The following TUSC3 variants were observed in gnomAD, a reference collection of about 807,000 sequenced individuals.
TUSC3 encodes the protein dolichyl-diphosphooligosaccharide--protein glycosyltransferase subunit TUSC3.
In TUSC3, 45 loss-of-function variants were observed where a neutral mutation model predicts 44.8. The observed-to-expected ratio is 1.00, with a 90% CI of 0.79 to 1.29. The LOEUF (loss-of-function observed/expected upper bound fraction) is 1.29. Ranked by LOEUF, TUSC3 falls within the 50% of genes most tolerant of loss-of-function variation. TUSC3 has a pLI of 0.00. For missense variants in TUSC3, 519 were observed against 437.9 expected (o/e 1.19, Z -1.65); for synonymous variants, 212 against 152.9 (o/e 1.39, Z -2.85).
intron 9 of TUSC3, among the ~76,000 whole-genome samples, chr8:15,753,065 A>G (rs1431266986): frequency 6.6e-6 from 1 of 152,002 alleles, no homozygotes; most frequent in Non-Finnish European, 1.5e-5. Flanking sequence ...CTTATTCTTT[A>G]CTAATGAAAG....
At chr8:15,536,060 C>T (rs1263779996), upstream of TUSC3, among the ~76,000 whole-genome samples, 1 of 152,186 alleles carries the variant, frequency 6.6e-6, no homozygotes, top group Non-Finnish European at 1.5e-5. Flanking sequence ...TGGCCCACAA[C>T]ACTTCTCCTT....
intron 2 of TUSC3, among the ~76,000 whole-genome samples, chr8:15,634,020 ATC>A (rs1471011258): frequency 6.6e-6 from 1 of 152,146 alleles, no homozygotes; most frequent in Non-Finnish European, 1.5e-5. Context: ...TTTCAGAGAG[ATC>A]TCTACTGTGA....
chr8:15,616,691 G>A (rs1804999198), intron 1 of TUSC3, among the ~76,000 whole-genome samples: 2 of 152,210 alleles, frequency 1.3e-5, no homozygotes, highest in Non-Finnish European at 2.9e-5. Flanking sequence ...GTGGCAGGAA[G>A]GAGAGAGCGC....
the TUSC3 span, among the ~76,000 whole-genome samples, chr8:15,839,876 G>A: frequency 6.6e-6 from 1 of 152,096 alleles, no homozygotes; most frequent in Non-Finnish European, 1.5e-5. Context: ...CCCATTACTG[G>A]GTATATACCC....
chr8:15,774,011 CA>C, the TUSC3 span, among the ~76,000 whole-genome samples: 3 of 152,082 alleles, frequency 2.0e-5, no homozygotes, highest in African/African-American at 7.2e-5. Flanking sequence ...GATATGACTT[CA>C]AAAGCACAAG....
chr8:15,803,584 G>A, the TUSC3 span, among the ~76,000 whole-genome samples: 1 of 152,138 alleles, frequency 6.6e-6, no homozygotes, highest in Admixed American at 6.5e-5. Context: ...TGGGATACAC[G>A]TGCTGAACGT....
At chr8:15,514,728 A>G (rs1052417244) in intron 2 of TUSC3, among the ~76,000 whole-genome samples, 2 of 152,156 alleles carry the variant, frequency 1.3e-5, no homozygotes, top group Non-Finnish European at 2.9e-5. Flanking sequence ...TATTTTATGA[A>G]GACACATCAA....
chr8:15,654,979 G>A (rs1170605967), intron 3 of TUSC3, among the ~76,000 whole-genome samples: 2 of 152,062 alleles, frequency 1.3e-5, no homozygotes, highest in African/African-American at 2.4e-5. Context: ...CTACTCATCT[G>A]TAAGAGAGGG....
At position 15,576,387 on chromosome 8, in the gene TUSC3, G is replaced by T. The variant is rs561857300; in HGVS notation, c.138+35819G>T. ...AGGTTAGTTACATATGTATACATGT[G>T]CCATGCTGGTGCGCTGCACCCACTA... On this transcript the variant is annotated intron_variant, in intron 1 of 10. Coordinates refer to ENST00000503731, the MANE Select transcript of TUSC3 (RefSeq NM_006765.4). 1.5e-4 allele frequency among the ~76,000 whole-genome samples: 22 copies of T among 145,866 alleles called. No homozygotes were observed. The East Asian group carries it at 4.6e-3, about 30-fold the overall frequency.
the TUSC3 span, among the ~76,000 whole-genome samples, chr8:15,838,083 C>T: frequency 6.6e-6 from 1 of 152,108 alleles, no homozygotes; most frequent in Admixed American, 6.6e-5. Context: ...GTCTCTCTCT[C>T]CCTCCAGTTG....
At position 15,660,204 on chromosome 8, in the gene TUSC3, C is replaced by G. The variant is rs140149682; in HGVS notation, c.567+557C>G. 3.6e-3 allele frequency among the ~76,000 whole-genome samples: 551 copies of G among 151,904 alleles called. 2 individuals are homozygous for G. The highest frequency in any genetic ancestry group is 0.012 in the African/African-American group (502 of 41,458). On this transcript the variant is annotated intron_variant, in intron 4 of 10. Coordinates refer to ENST00000503731, the MANE Select transcript of TUSC3 (RefSeq NM_006765.4). The stretch of plus-strand genomic sequence containing the variant: ...CCATAGAAATTTTGAAAATAATATT[C>G]ATTTTATTGGGAAAAATTGAATATA...
At chr8:15,845,880 C>T in the TUSC3 span, among the ~76,000 whole-genome samples, 1 of 152,090 alleles carries the variant, frequency 6.6e-6, no homozygotes, top group South Asian at 2.1e-4. Context: ...GAAGACATAC[C>T]TGAGACTGGA....
intron 1 of TUSC3, among the ~76,000 whole-genome samples, chr8:15,614,737 C>G (rs1378268224): frequency 1.3e-5 from 2 of 151,994 alleles, no homozygotes; most frequent in African/African-American, 2.4e-5. Context: ...TAAAGTCATG[C>G]TTGTACAAAT....
chr8:15,472,891 A>G (rs1416551552), intron 1 of TUSC3, among the ~76,000 whole-genome samples: 1 of 152,218 alleles, frequency 6.6e-6, no homozygotes, highest in Non-Finnish European at 1.5e-5. Flanking sequence ...TCATCTCCAC[A>G]GCTCCACATA....
chr8:15,609,887 A>G (rs982718059), intron 1 of TUSC3, among the ~76,000 whole-genome samples: 14 of 152,162 alleles, frequency 9.2e-5, no homozygotes, highest in South Asian at 4.1e-4. Context: ...TTGTGATACT[A>G]ATATATTACT....
intron 9 of TUSC3, among the ~76,000 whole-genome samples, chr8:15,754,715 G>T (rs1168516051): frequency 6.6e-6 from 1 of 152,024 alleles, no homozygotes; most frequent in Admixed American, 6.6e-5. Context: ...ATTATAAACT[G>T]TTGTACCACT....
chr8:15,634,929 G>T (rs1805996118), intron 2 of TUSC3, among the ~76,000 whole-genome samples: 1 of 152,182 alleles, frequency 6.6e-6, no homozygotes, highest in Non-Finnish European at 1.5e-5. Context: ...GCCTCCGTAG[G>T]CCACTGCAGG....
intron 9 of TUSC3, among the ~76,000 whole-genome samples, chr8:15,753,996 G>T (rs983103981): frequency 6.6e-6 from 1 of 151,996 alleles, no homozygotes; most frequent in Admixed American, 6.6e-5. Flanking sequence ...TTTTCCCATC[G>T]AATTATCCTG....
intron 1 of TUSC3, among the ~76,000 whole-genome samples, chr8:15,447,886 T>C (rs1800127574): frequency 6.6e-6 from 1 of 151,408 alleles, no homozygotes; most frequent in South Asian, 2.1e-4. Context: ...CAACGTATTG[T>C]CAAAAAAATT....
Sources: gnomAD v4.1 joint callset for allele counts (sites outside exome capture counted in the v4.1 genomes callset) on GRCh38, gnomAD v4.1.1 for gene constraint, MANE v1.5 for transcripts, NCBI Gene and HGNC (gene_info 2026-07-23, HGNC 2026-07-21) for gene names.